Variants in TRAPPC8 observed in about 807,000 individuals in gnomAD.
The protein encoded by TRAPPC8 is general sporulation gene 1 homolog.
In TRAPPC8, 54 loss-of-function variants were observed where a neutral mutation model predicts 174.3. The observed-to-expected ratio is 0.31, with a 90% CI of 0.25 to 0.39. The LOEUF is 0.39. Among genes scored for constraint, TRAPPC8 ranks in the 10% least tolerant of loss-of-function variants. The probability of loss-of-function intolerance (pLI) is 1.00; values close to 1 mark genes in which losing one functional copy is unlikely to be tolerated. For missense variants in TRAPPC8, 1,531 were observed against 1,699.1 expected, an observed-to-expected ratio of 0.90 and a Z score of 1.74; for synonymous variants, 630 against 579.9, an observed-to-expected ratio of 1.09 and a Z score of -1.24.
chr18:31,850,265 A>C (rs1357161725), intron 24 of TRAPPC8, among the ~76,000 whole-genome samples: 13 of 152,142 alleles, frequency 8.5e-5, no homozygotes. Flanking sequence ...GTTACCCTGA[A>C]TCTTAAAGCC....
At chr18:31,853,000 T>G in intron 22 of TRAPPC8, 1 of 254,106 alleles carries the variant, frequency 3.9e-6, no homozygotes, top group East Asian at 9.8e-5. Context: ...TTCCTTTCAG[T>G]ATGTTTCATA....
chr18:31,837,738 A>T (rs114308666), intron 27 of TRAPPC8, among the ~76,000 whole-genome samples: 1,539 of 152,146 alleles, frequency 0.01, 32 homozygotes, highest in African/African-American at 0.035. Context: ...AAGAAAAAAA[A>T]ATATTTTAAA....
chr18:31,842,149 C>T (rs971273757), intron 26 of TRAPPC8, among the ~76,000 whole-genome samples: 1 of 152,216 alleles, frequency 6.6e-6, no homozygotes, highest in Admixed American at 6.5e-5. Flanking sequence ...GCCAGCTTTT[C>T]ACAGGATTCA....
At chr18:31,885,198 G>A (rs2035649406) in intron 12 of TRAPPC8, among the ~76,000 whole-genome samples, 1 of 152,122 alleles carries the variant, frequency 6.6e-6, no homozygotes, top group African/African-American at 2.4e-5. Context: ...TATTGATTAA[G>A]CGATAAATAA....
intron 2 of TRAPPC8, among the ~76,000 whole-genome samples, chr18:31,920,422 T>C (rs1351619677): frequency 6.6e-6 from 1 of 152,198 alleles, no homozygotes; most frequent in Non-Finnish European, 1.5e-5. Context: ...ATGACCCATA[T>C]ATCCTACATA....
chr18:31,913,909 T>C (rs1165665172), intron 4 of TRAPPC8, among the ~76,000 whole-genome samples: 1 of 152,020 alleles, frequency 6.6e-6, no homozygotes, highest in East Asian at 1.9e-4. Flanking sequence ...GTGGTGGCCA[T>C]AATCCCAGCA....
chr18:31,909,169 G>A (rs954122956), intron 6 of TRAPPC8, among the ~76,000 whole-genome samples, 159 bp from the exon 7 acceptor site: 1 of 151,724 alleles, frequency 6.6e-6, no homozygotes, highest in African/African-American at 2.4e-5. Context: ...ACATCCCCCA[G>A]CCCCAAAATT....
chr18:31,837,967 TA>T (rs35815014), intron 27 of TRAPPC8, among the ~76,000 whole-genome samples: 2,430 of 129,020 alleles, frequency 0.019, 28 homozygotes, highest in African/African-American at 0.034. Flanking sequence ...AAAAATCACT[TA>T]AAAAAAAAAA....
intron 24 of TRAPPC8, among the ~76,000 whole-genome samples, chr18:31,852,120 A>G (rs2033736769): frequency 6.6e-6 from 1 of 152,078 alleles, no homozygotes; most frequent in South Asian, 2.1e-4. Context: ...CAGGCAGATC[A>G]CTTGACCTCA....
intron 18 of TRAPPC8, 76 bp downstream of exon 18, chr18:31,866,773 A>C (rs2145170832): frequency 6.6e-7 from 1 of 1,517,876 alleles, no homozygotes; most frequent in Non-Finnish European, 8.9e-7. Context: ...TAGAAAATAC[A>C]TCATTTTTGT....
At chr18:31,936,642 C>T (rs2038109585) in intron 1 of TRAPPC8, among the ~76,000 whole-genome samples, 1 of 152,068 alleles carries the variant, frequency 6.6e-6, no homozygotes, top group African/African-American at 2.4e-5. Context: ...TGGCTCATGC[C>T]TGTAATCCAG....
At chr18:31,917,934 G>A (rs2037220014) in intron 2 of TRAPPC8, among the ~76,000 whole-genome samples, 1 of 152,052 alleles carries the variant, frequency 6.6e-6, no homozygotes, top group South Asian at 2.1e-4. Flanking sequence ...GACCAGCCTG[G>A]TCAACATGGC....
chr18:31,924,772 A>C (rs1248917850), intron 2 of TRAPPC8, among the ~76,000 whole-genome samples: 1 of 149,128 alleles, frequency 6.7e-6, no homozygotes, highest in Non-Finnish European at 1.5e-5. Context: ...AATCCGCCTG[A>C]AGAGTTAAGC....
At chr18:31,876,021 C>A (rs1264623805) in intron 12 of TRAPPC8, among the ~76,000 whole-genome samples, 1 of 152,108 alleles carries the variant, frequency 6.6e-6, no homozygotes, top group East Asian at 1.9e-4. Flanking sequence ...TAGTTTACAA[C>A]CATCTACTCT....
rs928289380 is a variant in TRAPPC8 at position 31,830,027 on chromosome 18, G to A, written c.*728C>T. On this transcript the variant is annotated 3_prime_UTR_variant, in exon 29 of 29. Transcript: ENST00000283351. ...TGAAAAGCTTATTTTTAATTAACTT[G>A]AGATTTATATTTTAAACAGATCAAC... 6.6e-6 allele frequency: 1 copy of A among 152,420 alleles called. No individual in the cohort carries two copies. The highest frequency in any genetic ancestry group is 2.4e-5 in the African/African-American group (1 of 41,348). 9.4% of individuals were successfully genotyped at this position (152,420 alleles called of 1,614,324 possible).
intron 2 of TRAPPC8, among the ~76,000 whole-genome samples, chr18:31,921,397 T>G (rs2037382489): frequency 6.6e-6 from 1 of 152,050 alleles, no homozygotes; most frequent in South Asian, 2.1e-4. Flanking sequence ...GCGGATTACC[T>G]GAGGTGGGGA....
Position 31,943,072 on chromosome 18 carries a change from T to C in TRAPPC8, c.-308A>G. 4.4e-6 allele frequency: 2 copies of C among 450,270 alleles called. No homozygotes were observed. Among genetic ancestry groups the C allele is most frequent in the Non-Finnish European group, 7.3e-6 (2 of 272,210 alleles). The allele number at this position is 450,270 out of a possible 1,614,324, so 27.9% of individuals were successfully genotyped here. ...CTTCGGACGGCAAAACCTTGGTCAC[T>C]GCCCGGCCGGAACCGCCATGTTGAG... On this transcript the variant is annotated 5_prime_UTR_variant, in exon 1 of 29. Transcript: ENST00000283351.
At chr18:31,928,803 T>C (rs1001310258) in intron 2 of TRAPPC8, among the ~76,000 whole-genome samples, 3 of 152,196 alleles carry the variant, frequency 2.0e-5, no homozygotes, top group Non-Finnish European at 2.9e-5. Context: ...CAGAAATCAA[T>C]AAATATTTGT....
chr18:31,916,237 A>C, intron 4 of TRAPPC8, 35 bp downstream of exon 4: 4 of 1,413,662 alleles, frequency 2.8e-6, no homozygotes, highest in Non-Finnish European at 3.7e-6. Context: ...AAATCATTTA[A>C]CTGGAAAAAA....
Sources: gnomAD v4.1 joint callset for allele counts (sites outside exome capture counted in the v4.1 genomes callset) on GRCh38, gnomAD v4.1.1 for gene constraint, MANE v1.5 for transcripts, NCBI Gene and HGNC (gene_info 2026-07-23, HGNC 2026-07-21) for gene names.